HMGN1: variants seen among roughly 807,000 people sequenced by gnomAD.
HMGN1 encodes the protein non-histone chromosomal protein HMG-14.
A neutral mutation model predicts 18.4 loss-of-function variants in HMGN1; 9 were observed. That is an observed-to-expected ratio of 0.49 (90% CI 0.29 to 0.85). The LOEUF (loss-of-function observed/expected upper bound fraction) is 0.85, where lower values mean the gene tolerates loss of function less well. Ranked by LOEUF, HMGN1 falls within the 40% of genes least tolerant of loss-of-function variation. The probability of loss-of-function intolerance (pLI) is 0.07; values close to 1 mark genes in which losing one functional copy is unlikely to be tolerated. For synonymous variants in HMGN1, 59 were observed against 45.0 expected (o/e 1.31, Z -1.24); for missense variants, 151 against 119.2 (o/e 1.27, Z -1.24).
chr21:39,345,307 T>G, intron 4 of HMGN1, 33 bp from the exon 5 acceptor site: 1 of 1,583,748 alleles, frequency 6.3e-7, no homozygotes, highest in Non-Finnish European at 8.7e-7. Flanking sequence ...TTTAAGTACA[T>G]GCTTTACTCC....
At chr21:39,343,930 T>C (rs9981527) in intron 5 of HMGN1, among the ~76,000 whole-genome samples, 15,797 of 152,246 alleles carry the variant, frequency 0.1, 871 homozygotes, top group East Asian at 0.14. Flanking sequence ...TGTGATCTTA[T>C]TATCACACAG....
At chr21:39,345,330 T>G (rs759532633) in intron 4 of HMGN1, 56 bp from the exon 5 acceptor site, 83 of 1,558,324 alleles carry the variant, frequency 5.3e-5, no homozygotes, top group Non-Finnish European at 7.0e-5. Flanking sequence ...ATTTACATTT[T>G]GTTTTACTTT....
chr21:39,348,328 T>C lies in HMGN1; in HGVS notation c.90A>G (p.Ala30=), dbSNP rs1263378848. 2 of 1,614,074 alleles carry C rather than the reference T, an allele frequency of 1.2e-6. No individual in the cohort carries two copies. The highest frequency in any genetic ancestry group is 1.1e-5 in the South Asian group (1 of 91,094). Reference sequence around the variant, plus strand: ...CCTTTTTCGGCTTCGCTTCCACTTTTGCAGGAGGTTTCTGAAAGGCAAAAG... The same window carrying C: ...CCTTTTTCGGCTTCGCTTCCACTTTCGCAGGAGGTTTCTGAAAGGCAAAAG... ...RSARLSAKPP[A]KVEAKPKKAA... is the part of the protein sequence containing the mutation. The change falls in exon 4 of 6, where the codon GCA becomes GCG. Residue 30 remains alanine (A), a synonymous_variant. Transcript: ENST00000380749.
rs2036925394 is a variant in HMGN1, at chr21:39,343,229, G to A, written c.256-70C>T. On this transcript the variant is annotated intron_variant, in intron 5 of 5. Coordinates refer to ENST00000380749, the MANE Select transcript of HMGN1 (RefSeq NM_004965.7). ...TCGTTTTATTTATATGCAACTATCA[G>A]GTCTTTAAAAAAGTCAATAACCTTT... is the stretch of plus-strand genomic sequence containing the variant. The A allele has an allele frequency of 5.6e-6, 8 of 1,428,406 alleles. No individual in the cohort carries two copies. The Admixed American group carries it at 8.4e-5, about 15-fold the overall frequency. The allele number at this position is 1,428,406 out of a possible 1,614,324, so 88.5% of individuals were successfully genotyped here. A position where few individuals can be genotyped will look rare whatever the true frequency, so the allele number is the denominator to read the frequency against.
intron 5 of HMGN1, 79 bp from the exon 6 acceptor site, chr21:39,343,238 A>C (rs2036926034): frequency 1.5e-6 from 2 of 1,365,640 alleles, no homozygotes; most frequent in South Asian, 2.6e-5. Flanking sequence ...AGGTCTTTAA[A>C]AAAGTCAATA....
chr21:39,348,862 G>A, intron 1 of HMGN1, 41 bp downstream of exon 1: 4 of 1,089,966 alleles, frequency 3.7e-6, no homozygotes, highest in African/African-American at 1.7e-5. Flanking sequence ...GGCGCCGGCG[G>A]CGGCTCCAGG....
chr21:39,346,274 T>C (rs965004138), intron 4 of HMGN1: 2 of 277,444 alleles, frequency 7.2e-6, no homozygotes, highest in Admixed American at 5.1e-5. Context: ...GTACTAATAG[T>C]AGGATTCCAC....
At chr21:39,343,308 C>T in intron 5 of HMGN1, 149 bp from the exon 6 acceptor site, 1 of 686,916 alleles carries the variant, frequency 1.5e-6, no homozygotes, top group Non-Finnish European at 2.5e-6. Flanking sequence ...GTTAACCACC[C>T]CCTCACCCCA....
intron 4 of HMGN1, chr21:39,345,850 G>T: frequency 7.7e-7 from 1 of 1,302,390 alleles, no homozygotes; most frequent in Non-Finnish European, 1.0e-6. Context: ...GCACCATGCC[G>T]TACGGTCAGG....
At chr21:39,346,075 A>C (rs2037041830) in intron 4 of HMGN1, 1 of 537,764 alleles carries the variant, frequency 1.9e-6, no homozygotes, top group Non-Finnish European at 3.1e-6. Context: ...TACTGAGAAG[A>C]AAGCTTAACA....
At chr21:39,347,962 T>C in intron 4 of HMGN1, 3 of 1,204,308 alleles carry the variant, frequency 2.5e-6, no homozygotes, top group Non-Finnish European at 3.1e-6. Context: ...TCTTTTATTG[T>C]CAAAAAAGGA....
Position 39,348,583 on chromosome 21 carries a change from G to T in HMGN1, c.16-6C>A. ...GCGCCTTCGGCGGAGCTGACCTGCG[G>T]AGACGGAGACGCACGAATAGAGGCG... is the stretch of plus-strand genomic sequence containing the variant. On this transcript the variant is annotated splice_region_variant and splice_polypyrimidine_tract_variant and intron_variant, in intron 1 of 5. Transcript: ENST00000380749. The T allele has an allele frequency of 4.4e-6, 7 of 1,597,724 alleles. No individual in the cohort carries two copies. The highest frequency in any genetic ancestry group is 6.0e-6 in the Non-Finnish European group (7 of 1,173,204).
chr21:39,345,023 C>T, intron 5 of HMGN1, 123 bp downstream of exon 5: 1 of 1,214,756 alleles, frequency 8.2e-7, no homozygotes, highest in Non-Finnish European at 1.1e-6. Flanking sequence ...GGATACCGTA[C>T]AAAACTTTGT....
At chr21:39,343,206 G>A (rs2070867) in intron 5 of HMGN1, 47 bp from the exon 6 acceptor site, 1,398,270 of 1,536,630 alleles carry the variant, frequency 0.91, 639,534 homozygotes, top group African/African-American at 0.98. Context: ...ACACGTTGTC[G>A]TTTTATTTAT....
chr21:39,347,584 G>C, intron 4 of HMGN1: 1 of 464,690 alleles, frequency 2.2e-6, no homozygotes. Context: ...ACCCCGCGAA[G>C]AACATGTAGA....
chr21:39,347,998 G>A, intron 4 of HMGN1: 1 of 1,259,340 alleles, frequency 7.9e-7, no homozygotes, highest in South Asian at 1.9e-5. Context: ...TAAAAGCCAA[G>A]CACCAGCCAC....
In HMGN1 at chr21:39,348,564, T is replaced by G; in HGVS notation, c.29A>C (p.Glu10Ala). 1.9e-6 allele frequency: 3 copies of G among 1,600,514 alleles called. No homozygotes were observed. The highest frequency in any genetic ancestry group is 2.6e-6 in the Non-Finnish European group (3 of 1,172,828). Residue 10 changes from glutamate (E) to alanine (A), a missense_variant, in exon 2 of 6, where the codon GAA (glutamate) becomes GCA (alanine). By Grantham distance (107) the Glu-to-Ala change is moderately radical. Coordinates refer to ENST00000380749, the MANE Select transcript of HMGN1 (RefSeq NM_004965.7). ...ACTCACCTCTTCCTTGGCGGCGCCT[T>G]CGGCGGAGCTGACCTGCGGAGACGG... is the stretch of plus-strand genomic sequence containing the variant. MPKRKVSSA[E>A]GAAKEEPKRR...
chr21:39,348,288 T>A lies in HMGN1; in HGVS notation c.126+4A>T. ...TGCATCCCAATGCGCGTTTCGAGGC[T>A]TACCTTCGCTGCTGCCTTTTTCGGC... On this transcript the variant is annotated splice_donor_region_variant and intron_variant, in intron 4 of 5. Transcript: ENST00000380749. 6.2e-7 allele frequency: 1 copy of A among 1,614,058 alleles called. No homozygotes were observed.
chr21:39,344,084 G>A (rs1010930047), intron 5 of HMGN1, among the ~76,000 whole-genome samples: 2 of 151,924 alleles, frequency 1.3e-5, no homozygotes, highest in African/African-American at 2.4e-5. Flanking sequence ...GCGAAACCCC[G>A]TTTCTACTAA....
Sources: allele counts gnomAD v4.1 joint callset (sites outside exome capture counted in the v4.1 genomes callset), GRCh38; gene constraint gnomAD v4.1.1; transcripts MANE v1.5; gene names NCBI Gene and HGNC (gene_info 2026-07-23, HGNC 2026-07-21).